The following MARCHF1 variants were observed in gnomAD, a reference collection of about 807,000 sequenced individuals.
MARCHF1 encodes E3 ubiquitin-protein ligase MARCHF1.
In MARCHF1, 40 loss-of-function variants were observed where a neutral mutation model predicts 54.2. That is an observed-to-expected ratio of 0.74 (90% confidence interval 0.57 to 0.96). MARCHF1 has a LOEUF of 0.96. Ranked by LOEUF, MARCHF1 falls within the 40% of genes least tolerant of loss-of-function variation. The pLI, the probability that MARCHF1 is intolerant of heterozygous loss-of-function variation, is 0.00. For synonymous variants in MARCHF1, 236 were observed against 236.3 expected (o/e 1.00, Z 0.01); for missense variants, 586 against 656.5 (o/e 0.89, Z 1.17).
rs6822326 is a variant in MARCHF1, at chr4:164,219,056, G to A, written c.-322-107394C>T. On this transcript the variant is annotated intron_variant, in intron 1 of 9. Coordinates refer to ENST00000514618, the MANE Select transcript of MARCHF1 (RefSeq NM_001394959.1). Reference sequence around the variant, plus strand: ...ATTTCCTATGACTGAGTTCTTCCTCGAGAAATACAAACTTAGCTTTGTTTT... The same window carrying A: ...ATTTCCTATGACTGAGTTCTTCCTCAAGAAATACAAACTTAGCTTTGTTTT... Among the ~76,000 whole-genome samples, 824 of 151,936 alleles carry A rather than the reference G, an allele frequency of 5.4e-3. 9 individuals are homozygous for A. Among genetic ancestry groups the A allele is most frequent in the African/African-American group, 0.019 (784 of 41,444 alleles).
intron 1 of MARCHF1, among the ~76,000 whole-genome samples, chr4:164,300,492 C>T (rs1734527962): frequency 6.6e-6 from 1 of 152,094 alleles, no homozygotes. Context: ...CCCTTGAATT[C>T]ATATTTTGCA....
intron 3 of MARCHF1, among the ~76,000 whole-genome samples, chr4:163,908,354 AAG>A (rs746717994): frequency 2.6e-5 from 4 of 152,082 alleles, no homozygotes; most frequent in Non-Finnish European, 5.9e-5. Flanking sequence ...CAGAGATAGA[AAG>A]AGAGAGAGAG....
Position 164,142,219 on chromosome 4 carries a change from C to T in MARCHF1, c.-322-30557G>A, listed in dbSNP as rs113118540. 7.8e-3 allele frequency among the ~76,000 whole-genome samples: 1,183 copies of T among 152,310 alleles called. 16 individuals are homozygous for T. Among genetic ancestry groups the T allele is most frequent in the African/African-American group, 0.027 (1,136 of 41,548 alleles). The stretch of plus-strand genomic sequence containing the variant: ...GCTAGCACAGCAGTCTGAGATCAAA[C>T]TGCAAGGCCGCAGCCAGGCTTGGGG... On this transcript the variant is annotated intron_variant, in intron 1 of 9. Transcript: ENST00000514618.
chr4:164,228,408 T>C (rs940945464), intron 1 of MARCHF1, among the ~76,000 whole-genome samples: 5 of 152,214 alleles, frequency 3.3e-5, no homozygotes, highest in African/African-American at 1.2e-4. Flanking sequence ...GCTTTATTCT[T>C]GGTTGATTAT....
chr4:163,648,781 G>A (rs1742857470), intron 5 of MARCHF1, among the ~76,000 whole-genome samples: 1 of 151,758 alleles, frequency 6.6e-6, no homozygotes, highest in African/African-American at 2.4e-5. Flanking sequence ...AAGAATGGAT[G>A]TAAGATCAAA....
rs188954476 is a variant in MARCHF1 at position 163,921,851 on chromosome 4, C to T, written c.-39+66650G>A. ...GGAAATTGGCAAAGGTATTTTGTAC[C>T]TCTATACAGTATTAAAAAAATATAC... is the stretch of plus-strand genomic sequence containing the variant. On this transcript the variant is annotated intron_variant, in intron 3 of 9. Coordinates refer to ENST00000514618, the MANE Select transcript of MARCHF1 (RefSeq NM_001394959.1). Among the ~76,000 whole-genome samples the T allele has an allele frequency of 1.1e-3, 172 of 152,056 alleles. 1 individual carries two copies. Among genetic ancestry groups the T allele is most frequent in the African/African-American group, 4.1e-3 (169 of 41,468 alleles).
chr4:163,647,697 G>C lies in MARCHF1; in HGVS notation c.163-34304C>G, dbSNP rs187644111. ...GGAAGAAATAAAAAGAAAAATAAAAGAGTCTTGAGACAAATGAAAATAGAA... is the reference window on the plus strand; with the variant it reads ...GGAAGAAATAAAAAGAAAAATAAAACAGTCTTGAGACAAATGAAAATAGAA... On this transcript the variant is annotated intron_variant, in intron 5 of 9. Transcript: ENST00000514618. Among the ~76,000 whole-genome samples the C allele has an allele frequency of 2.0e-5, 3 of 151,818 alleles. No individual in the cohort carries two copies. In the East Asian group the frequency reaches 5.8e-4, roughly 29 times the overall value.
intron 2 of MARCHF1, among the ~76,000 whole-genome samples, chr4:164,055,465 G>C (rs1373967343): frequency 6.7e-6 from 1 of 149,260 alleles, no homozygotes; most frequent in Non-Finnish European, 1.5e-5. Flanking sequence ...AAAAAATTAG[G>C]AATAGGGAAA....
At chr4:163,861,861 T>TG (rs1482997866) in intron 3 of MARCHF1, among the ~76,000 whole-genome samples, 3 of 56,076 alleles carry the variant, frequency 5.3e-5, no homozygotes, top group African/African-American at 1.3e-4. Context: ...AGTGTGGTGT[T>TG]GGAAAAAAAA....
chr4:164,116,467 T>C (rs1755941938), intron 1 of MARCHF1, among the ~76,000 whole-genome samples: 1 of 152,180 alleles, frequency 6.6e-6, no homozygotes, highest in Non-Finnish European at 1.5e-5. Context: ...TGTGTGTGTT[T>C]ACAATCCTTT....
At chr4:164,309,667 T>G (rs1734795049) in intron 1 of MARCHF1, among the ~76,000 whole-genome samples, 1 of 152,172 alleles carries the variant, frequency 6.6e-6, no homozygotes. Flanking sequence ...TATGTTCTGT[T>G]TATCACAGTT....
At chr4:163,742,766 T>C (rs1746246293) in intron 4 of MARCHF1, among the ~76,000 whole-genome samples, 1 of 152,156 alleles carries the variant, frequency 6.6e-6, no homozygotes, top group South Asian at 2.1e-4. Context: ...GTACGCCCAG[T>C]ACTGGAATAC....
intron 1 of MARCHF1, among the ~76,000 whole-genome samples, chr4:164,124,952 T>G (rs1460857785): frequency 6.6e-6 from 1 of 152,152 alleles, no homozygotes; most frequent in Non-Finnish European, 1.5e-5. Flanking sequence ...TGTTTGTAAC[T>G]CAAAGGACAA....
At chr4:164,222,228 T>A (rs2111155077) in intron 1 of MARCHF1, among the ~76,000 whole-genome samples, 1 of 152,066 alleles carries the variant, frequency 6.6e-6, no homozygotes, top group East Asian at 1.9e-4. Flanking sequence ...AACACCTTTT[T>A]TTTTTTTTAG....
chr4:163,601,602 A>G (rs1368915635), intron 7 of MARCHF1, among the ~76,000 whole-genome samples: 1 of 152,086 alleles, frequency 6.6e-6, no homozygotes, highest in Non-Finnish European at 1.5e-5. Flanking sequence ...AACAAACTAG[A>G]AATTACCAAG....
intron 3 of MARCHF1, among the ~76,000 whole-genome samples, chr4:163,922,607 C>A (rs1239645305): frequency 6.6e-6 from 1 of 152,140 alleles, no homozygotes; most frequent in Non-Finnish European, 1.5e-5. Flanking sequence ...AATTTGATTA[C>A]TTAGGTGTTG....
chr4:164,126,621 T>A lies in MARCHF1; in HGVS notation c.-322-14959A>T, dbSNP rs564934607. 1.8e-3 allele frequency among the ~76,000 whole-genome samples: 268 copies of A among 152,250 alleles called. 1 individual carries two copies. Among genetic ancestry groups the A allele is most frequent in the African/African-American group, 6.0e-3 (251 of 41,556 alleles). ...TAGAAAAACCCTACCTTGCTCTGAA[T>A]AGATTAAGGGTGATACTGGTGAGGG... On this transcript the variant is annotated intron_variant, in intron 1 of 9. Coordinates refer to ENST00000514618, the MANE Select transcript of MARCHF1 (RefSeq NM_001394959.1).
chr4:163,844,588 A>G (rs1469135544), intron 4 of MARCHF1, among the ~76,000 whole-genome samples: 1 of 152,210 alleles, frequency 6.6e-6, no homozygotes, highest in African/African-American at 2.4e-5. Flanking sequence ...TGTTTGGCAC[A>G]TAAATGATTC....
intron 1 of MARCHF1, among the ~76,000 whole-genome samples, chr4:164,133,205 T>C (rs1756336914): frequency 6.6e-6 from 1 of 152,168 alleles, no homozygotes; most frequent in African/African-American, 2.4e-5. Flanking sequence ...GCGTATATTC[T>C]AGGGTGCTCC....
Sources: allele counts gnomAD v4.1 joint callset (sites outside exome capture counted in the v4.1 genomes callset), GRCh38; gene constraint gnomAD v4.1.1; transcripts MANE v1.5; gene names NCBI Gene and HGNC (gene_info 2026-07-23, HGNC 2026-07-21).